PCDH19: variants seen among roughly 807,000 people sequenced by gnomAD.
PCDH19 encodes the protein protocadherin-19.
A neutral mutation model predicts 46.2 loss-of-function variants in PCDH19; 6 were observed. The observed-to-expected ratio is 0.13, with a 90% confidence interval of 0.07 to 0.26. The LOEUF is 0.26. Ranked by LOEUF, PCDH19 falls within the 10% of genes least tolerant of loss-of-function variation. The pLI is 1.00. For missense variants in PCDH19, 740 were observed against 972.3 expected (o/e 0.76, Z 3.18); for synonymous variants, 481 against 415.7 (o/e 1.16, Z -1.91).
At chrX:100,340,918 G>T (rs1482755272) in intron 5 of PCDH19, among the ~76,000 whole-genome samples, 2 of 111,886 alleles carry the variant, frequency 1.8e-5, no homozygotes, top group South Asian at 3.8e-4. Context: ...TAGCAGTAGG[G>T]CTTCCAGCTG....
At chrX:100,355,709 C>A (rs749534836) in intron 3 of PCDH19, among the ~76,000 whole-genome samples, 26 of 111,342 alleles carry the variant, frequency 2.3e-4, no homozygotes, top group Non-Finnish European at 4.3e-4. Flanking sequence ...TGCTTGGGAG[C>A]TTTCTTTGCT....
chrX:100,395,852 A>C (rs752180101), intron 3 of PCDH19, among the ~76,000 whole-genome samples: 2 of 113,064 alleles, frequency 1.8e-5, no homozygotes, highest in East Asian at 5.6e-4. Context: ...TAAATACACA[A>C]CAGCCAAATA....
chrX:100,355,669 C>T (rs772224686), intron 3 of PCDH19, among the ~76,000 whole-genome samples: 2 of 111,329 alleles, frequency 1.8e-5, no homozygotes, highest in Non-Finnish European at 3.8e-5. Context: ...TTTTGATTTT[C>T]GTTGTTTGTT....
intron 2 of PCDH19, 113 bp from the exon 3 acceptor site, chrX:100,402,964 T>C (rs1057375653): frequency 3.6e-6 from 2 of 560,562 alleles, no homozygotes; most frequent in African/African-American, 4.5e-5. Flanking sequence ...CAGCTCCTTA[T>C]TCTGGTGCAT....
At chrX:100,324,164 C>A (rs148678814) in intron 5 of PCDH19, among the ~76,000 whole-genome samples, 1 of 111,681 alleles carries the variant, frequency 9.0e-6, no homozygotes, top group Non-Finnish European at 1.9e-5. Flanking sequence ...AAAGGAGGAA[C>A]GATCAGACAA....
chrX:100,322,865 A>ATATTTTTTTTTT lies in PCDH19; in HGVS notation c.2848+19037_2848+19038insAAAAAAAAAATA. Among the ~76,000 whole-genome samples the ATATTTTTTTTTT allele has an allele frequency of 1.5e-3, 82 of 54,369 alleles. 1 individual carries two copies. The highest frequency in any genetic ancestry group is 2.2e-3 in the Non-Finnish European group (67 of 30,170). The allele number at this position is 54,369 out of a possible 115,157, so 47.2% of individuals were successfully genotyped here. On this transcript the variant is annotated intron_variant, in intron 5 of 5. Coordinates refer to ENST00000373034, the MANE Select transcript of PCDH19 (RefSeq NM_001184880.2). ...TATATATATATATATATATATATAT[A>ATATTTTTTTTTT]TTTTTGCAGCTATTGTAAAAGGGGT...
At chrX:100,403,990 T>C (rs1197821204) in intron 1 of PCDH19, among the ~76,000 whole-genome samples, 1 of 112,246 alleles carries the variant, frequency 8.9e-6, no homozygotes, top group African/African-American at 3.2e-5. Flanking sequence ...GACTGTGCCT[T>C]ATTCTCACTC....
chrX:100,379,332 CACACACACACACACA>C (rs1276706955), intron 3 of PCDH19, among the ~76,000 whole-genome samples: 39 of 4,569 alleles, frequency 8.5e-3, no homozygotes, highest in East Asian at 0.1. Context: ...CACACACACA[CACACACACACACACA>C]CATTTCCTCC....
intron 5 of PCDH19, among the ~76,000 whole-genome samples, chrX:100,328,405 C>T (rs917152195): frequency 1.8e-5 from 2 of 111,712 alleles, no homozygotes; most frequent in Non-Finnish European, 3.8e-5. Flanking sequence ...ACAGTTTGAA[C>T]GTTGAGTGGG....
intron 5 of PCDH19, among the ~76,000 whole-genome samples, chrX:100,319,734 C>G (rs752232745): frequency 2.3e-4 from 26 of 112,092 alleles, no homozygotes; most frequent in Non-Finnish European, 4.1e-4. Context: ...AGGAAATGGG[C>G]TAGTAGTCCT....
At chrX:100,300,508 C>G (rs1027060184) in intron 5 of PCDH19, among the ~76,000 whole-genome samples, 1 of 111,972 alleles carries the variant, frequency 8.9e-6, no homozygotes, top group Non-Finnish European at 1.9e-5. Context: ...TACTTTGCTA[C>G]ATTTTTATCT....
intron 3 of PCDH19, among the ~76,000 whole-genome samples, chrX:100,379,347 A>AC (rs1555981890): frequency 0.11 from 7,465 of 65,061 alleles, 257 homozygotes; most frequent in African/African-American, 0.17. Context: ...ACACACACAC[A>AC]CATTTCCTCC....
At chrX:100,336,623 C>T (rs779628595) in intron 5 of PCDH19, among the ~76,000 whole-genome samples, 8 of 111,902 alleles carry the variant, frequency 7.1e-5, no homozygotes, top group Non-Finnish European at 1.3e-4. Flanking sequence ...CATTATATTG[C>T]ATTTGGACGC....
At chrX:100,399,168 A>T (rs996611529) in intron 3 of PCDH19, among the ~76,000 whole-genome samples, 1 of 112,234 alleles carries the variant, frequency 8.9e-6, no homozygotes, top group Non-Finnish European at 1.9e-5. Context: ...GAACAATGTA[A>T]GTAACATAAT....
At chrX:100,363,856 C>CATGTGTGTGTGTGTGTGTGTGTGTGT (rs57620335) in intron 3 of PCDH19, among the ~76,000 whole-genome samples, 3 of 88,990 alleles carry the variant, frequency 3.4e-5, no homozygotes, top group Non-Finnish European at 6.4e-5. Context: ...AATGTGCGTG[C>CATGTGTGTGTGTGTGTGTGTGTGTGT]GTGTGTGTGT....
rs1465802426 is a variant in PCDH19, at chrX:100,341,927, T to C, written c.2824A>G (p.Met942Val). Reference sequence around the variant, plus strand: ...CCATGATCAGGCATCTGAGATCCCATGGAGGTCACACTGGTGTTCAGCACA... The same window carrying C: ...CCATGATCAGGCATCTGAGATCCCACGGAGGTCACACTGGTGTTCAGCACA... ...NDVLNTSVTS[M>V]GSQMPDHDQN... The change falls in exon 5 of 6, where the codon ATG (methionine) becomes GTG (valine). Residue 942 changes from methionine (M) to valine (V), a missense_variant. By Grantham distance (21) the Met-to-Val change is conservative. Coordinates refer to ENST00000373034, the MANE Select transcript of PCDH19 (RefSeq NM_001184880.2). The C allele has an allele frequency of 5.0e-6, 6 of 1,207,640 alleles. No individual in the cohort carries two copies. The highest frequency in any genetic ancestry group is 3.0e-5 in the East Asian group (1 of 33,573).
intron 5 of PCDH19, among the ~76,000 whole-genome samples, chrX:100,308,548 A>G (rs1256228181): frequency 8.9e-6 from 1 of 112,035 alleles, no homozygotes. Context: ...ACTTAATTAA[A>G]GCTTCTGCAC....
intron 5 of PCDH19, among the ~76,000 whole-genome samples, chrX:100,316,574 ATAATTACT>A (rs1925314278): frequency 8.9e-6 from 1 of 112,232 alleles, no homozygotes; most frequent in African/African-American, 3.2e-5. Flanking sequence ...GAGAGACAGA[ATAATTACT>A]GGATCTAAGA....
At position 100,408,333 on chromosome X, in the gene PCDH19, G is replaced by C; in HGVS notation, c.265C>G (p.Arg89Gly). The C allele has an allele frequency of 8.3e-7, 1 of 1,210,696 alleles. No homozygotes were observed. Among genetic ancestry groups the C allele is most frequent in the Non-Finnish European group, 1.1e-6 (1 of 895,196 alleles). The change falls in exon 1 of 6, where the codon CGT (arginine) becomes GGT (glycine). Residue 89 changes from arginine (R) to glycine (G), a missense_variant. This residue lies in a region of PCDH19 where 81 missense variants were observed against 96.5 expected (regional missense o/e 0.84). Transcript: ENST00000373034. ...GLLVTKQKID[R>G]DLLCRQSPKC... ...GGGCTCTGGCGGCACAGCAGATCAC[G>C]GTCAATCTTCTGCTTGGTGACCAGC...
Sources: gnomAD v4.1 joint callset for allele counts (sites outside exome capture counted in the v4.1 genomes callset) on GRCh38, gnomAD v4.1.1 for gene constraint, gnomAD v4.1.1 regional missense constraint, MANE v1.5 for transcripts, NCBI Gene and HGNC (gene_info 2026-07-23, HGNC 2026-07-21) for gene names.